Variants in STRBP observed in about 807,000 individuals in gnomAD.
The protein encoded by STRBP is spermatid perinuclear RNA binding protein.
Under a neutral mutation model 80.1 loss-of-function variants are expected in STRBP, and 13 were observed. The observed-to-expected ratio is 0.16, with a 90% confidence interval of 0.11 to 0.26. The LOEUF is 0.26. Among genes scored for constraint, STRBP ranks in the 10% least tolerant of loss-of-function variants. The pLI, the probability that STRBP is intolerant of heterozygous loss-of-function variation, is 1.00. For synonymous variants in STRBP, 284 were observed against 291.2 expected (o/e 0.98, Z 0.25); for missense variants, 485 against 815.2 (o/e 0.59, Z 4.93).
rs531756124 is a variant in STRBP at position 123,155,145 on chromosome 9, G to A, written c.1045+2867C>T. On this transcript the variant is annotated intron_variant, in intron 11 of 18. Coordinates refer to ENST00000348403, the MANE Select transcript of STRBP (RefSeq NM_018387.5). ...AGCAAAGACACGAGTTGATGCAGTG[G>A]GGCTTGGAGACAGTGATGAGAACAT... is the stretch of plus-strand genomic sequence containing the variant. Among the ~76,000 whole-genome samples, 4 of 152,322 alleles carry A rather than the reference G, an allele frequency of 2.6e-5. No homozygotes were observed. The East Asian group carries it at 7.7e-4, about 29-fold the overall frequency.
intron 1 of STRBP, among the ~76,000 whole-genome samples, chr9:123,267,446 C>G (rs2041294390): frequency 6.6e-6 from 1 of 151,690 alleles, no homozygotes; most frequent in East Asian, 1.9e-4. Flanking sequence ...CCACCCCATA[C>G]TCCTCTTCCC....
At chr9:123,152,698 T>C (rs1037051375) in intron 11 of STRBP, among the ~76,000 whole-genome samples, 1 of 151,902 alleles carries the variant, frequency 6.6e-6, no homozygotes, top group Non-Finnish European at 1.5e-5. Context: ...GATGGGTAAA[T>C]CTTAGTGGTT....
At chr9:123,203,452 C>T (rs942041738) in intron 2 of STRBP, among the ~76,000 whole-genome samples, 2 of 152,100 alleles carry the variant, frequency 1.3e-5, no homozygotes, top group African/African-American at 4.8e-5. Context: ...ATAATTAAGG[C>T]TATAAGGCCC....
chr9:123,201,969 AATTG>A (rs568756450), intron 2 of STRBP, among the ~76,000 whole-genome samples: 164 of 152,190 alleles, frequency 1.1e-3, no homozygotes, highest in African/African-American at 3.8e-3. Flanking sequence ...TATCTTGTTG[AATTG>A]ATTGTTTTAT....
At chr9:123,152,324 G>A (rs1435844080) in intron 11 of STRBP, among the ~76,000 whole-genome samples, 2 of 151,994 alleles carry the variant, frequency 1.3e-5, no homozygotes, top group African/African-American at 2.4e-5. Flanking sequence ...CCGAAACACA[G>A]GAGAATTGGT....
chr9:123,122,218 C>T lies in STRBP; in HGVS notation c.*3379G>A. The T allele has an allele frequency of 2.5e-6, 2 of 811,098 alleles. No individual in the cohort carries two copies. Among genetic ancestry groups the T allele is most frequent in the Non-Finnish European group, 3.5e-6 (2 of 565,406 alleles). 50.2% of individuals were successfully genotyped at this position (811,098 alleles called of 1,614,324 possible). The stretch of plus-strand genomic sequence containing the variant: ...CTTTGTATACTGAGATCACAGCTTA[C>T]AGTCACTATATCTCAGCCTATTTTA... On this transcript the variant is annotated 3_prime_UTR_variant, in exon 19 of 19. Transcript: ENST00000348403.
chr9:123,218,381 G>C (rs1287887598), intron 2 of STRBP, among the ~76,000 whole-genome samples: 9 of 17,086 alleles, frequency 5.3e-4, no homozygotes, highest in Admixed American at 3.8e-3. Flanking sequence ...TTTTTTTTTT[G>C]AGACGGAGTC....
chr9:123,211,676 T>C (rs540315088), intron 2 of STRBP, among the ~76,000 whole-genome samples: 1 of 152,318 alleles, frequency 6.6e-6, no homozygotes, highest in South Asian at 2.1e-4. Flanking sequence ...TGAAGTATAA[T>C]TTTTTAAATT....
chr9:123,119,991 GATA>G (rs2035703898), downstream of STRBP, among the ~76,000 whole-genome samples: 1 of 152,154 alleles, frequency 6.6e-6, no homozygotes, highest in Non-Finnish European at 1.5e-5. Flanking sequence ...TACCTAAAAT[GATA>G]ATGTGGGAAA....
intron 2 of STRBP, among the ~76,000 whole-genome samples, chr9:123,185,513 CT>C (rs1473727854): frequency 6.6e-6 from 1 of 152,176 alleles, no homozygotes; most frequent in Admixed American, 6.5e-5. Flanking sequence ...TCATGGGATC[CT>C]TTTGGACAAC....
chr9:123,252,097 G>A (rs890791503), intron 1 of STRBP, among the ~76,000 whole-genome samples: 8 of 151,904 alleles, frequency 5.3e-5, no homozygotes, highest in African/African-American at 1.2e-4. Context: ...TGAGAAAAAG[G>A]AAAAGTTGCA....
intron 1 of STRBP, among the ~76,000 whole-genome samples, chr9:123,245,783 T>G (rs1369791481): frequency 6.6e-6 from 1 of 152,202 alleles, no homozygotes; most frequent in Non-Finnish European, 1.5e-5. Context: ...AAAGCAACCT[T>G]TACTAACATG....
chr9:123,233,938 C>T (rs558705493), intron 2 of STRBP, among the ~76,000 whole-genome samples: 2 of 152,284 alleles, frequency 1.3e-5, no homozygotes, highest in South Asian at 2.1e-4. Context: ...CGGTGGCTCA[C>T]GCCTGTAATA....
intron 2 of STRBP, among the ~76,000 whole-genome samples, chr9:123,209,680 GC>G (rs2039641604): frequency 6.6e-6 from 1 of 152,152 alleles, no homozygotes; most frequent in African/African-American, 2.4e-5. Context: ...TTTCAAATCT[GC>G]TAGAGAACAG....
chr9:123,144,395 G>T (rs1352564421), intron 13 of STRBP, among the ~76,000 whole-genome samples: 1 of 152,018 alleles, frequency 6.6e-6, no homozygotes, highest in Non-Finnish European at 1.5e-5. Context: ...TGGATTCTCA[G>T]GTGCTGCCCC....
chr9:123,243,607 A>C (rs1402347220), intron 1 of STRBP, among the ~76,000 whole-genome samples: 1 of 152,094 alleles, frequency 6.6e-6, no homozygotes, highest in Non-Finnish European at 1.5e-5. Flanking sequence ...AGAACCCTCA[A>C]AACTCAACAG....
At chr9:123,228,806 T>A (rs1047173857) in intron 2 of STRBP, among the ~76,000 whole-genome samples, 4 of 152,190 alleles carry the variant, frequency 2.6e-5, no homozygotes. Flanking sequence ...CACAGGGCTA[T>A]AATATGACCC....
Position 123,123,413 on chromosome 9 carries a change from A to C in STRBP, c.*2184T>G. ...TTTAAACAGTTGAACTTGCATGGTTACCACTTCTAACAAAGGACTGACAGC... is the reference window on the plus strand; with the variant it reads ...TTTAAACAGTTGAACTTGCATGGTTCCCACTTCTAACAAAGGACTGACAGC... On this transcript the variant is annotated 3_prime_UTR_variant, in exon 19 of 19. Transcript: ENST00000348403. 1 of 985,422 alleles carries C rather than the reference A, an allele frequency of 1.0e-6. No individual in the cohort carries two copies. The highest frequency in any genetic ancestry group is 1.2e-6 in the Non-Finnish European group (1 of 829,942). The allele number at this position is 985,422 out of a possible 1,614,324, so 61.0% of individuals were successfully genotyped here.
Position 123,122,839 on chromosome 9 carries a change from C to A in STRBP, c.*2758G>T. 2.0e-6 allele frequency: 2 copies of A among 985,634 alleles called. No individual in the cohort carries two copies. Among genetic ancestry groups the A allele is most frequent in the Non-Finnish European group, 2.4e-6 (2 of 830,206 alleles). The allele number at this position is 985,634 out of a possible 1,614,324, so 61.1% of individuals were successfully genotyped here. On this transcript the variant is annotated 3_prime_UTR_variant, in exon 19 of 19. Transcript: ENST00000348403. ...CTGTCAGAACATAGCACAGCTCACA[C>A]GCTAATTTTAAGCTCTACACTGACC...
Sources: allele counts gnomAD v4.1 joint callset (sites outside exome capture counted in the v4.1 genomes callset), GRCh38; gene constraint gnomAD v4.1.1; transcripts MANE v1.5; gene names NCBI Gene and HGNC (gene_info 2026-07-23, HGNC 2026-07-21).